ATP2B2: variants seen among roughly 807,000 people sequenced by gnomAD.
The protein encoded by ATP2B2 is ATPase plasma membrane Ca2+ transporting 2, also known as plasma membrane calcium-transporting ATPase 2.
ATP2B2 carries 15 observed loss-of-function variants against 120.0 expected under a neutral mutation model. The ratio of observed to expected loss-of-function variants is 0.12; its 90% CI spans 0.08 to 0.19. The LOEUF is 0.19. Ranked by LOEUF, ATP2B2 falls within the 10% of genes least tolerant of loss-of-function variation. ATP2B2 has a pLI of 1.00. For synonymous variants in ATP2B2, 694 were observed against 700.3 expected (o/e 0.99, Z 0.14); for missense variants, 1,045 against 1,719.8 (o/e 0.61, Z 6.94).
At position 10,689,833 on chromosome 3, in the gene ATP2B2, G is replaced by C. The variant is rs373227939; in HGVS notation, c.-460+18082C>G. Among the ~76,000 whole-genome samples the C allele has an allele frequency of 1.5e-4, 23 of 152,338 alleles. No homozygotes were observed. The East Asian group carries it at 1.5e-3, about 10-fold the overall frequency. ...CACTCTGACGTGCAATCCAAGCATT[G>C]CTGCGCACCCTCCACCCCGAGGTGG... On this transcript the variant is annotated intron_variant, in intron 1 of 21. Transcript: ENST00000646379.
At chr3:10,678,394 G>A (rs1220025029) in intron 1 of ATP2B2, among the ~76,000 whole-genome samples, 2 of 152,156 alleles carry the variant, frequency 1.3e-5, no homozygotes, top group Non-Finnish European at 2.9e-5. Flanking sequence ...TCCCAGGGGT[G>A]GCCAGCTCAG....
intron 3 of ATP2B2, among the ~76,000 whole-genome samples, chr3:10,533,223 A>T (rs2067246058): frequency 6.6e-6 from 1 of 152,202 alleles, no homozygotes; most frequent in African/African-American, 2.4e-5. Context: ...GAGCCACAGA[A>T]ATCTCACAGA....
intron 16 of ATP2B2, among the ~76,000 whole-genome samples, chr3:10,348,634 A>G (rs1257631244): frequency 6.6e-6 from 1 of 152,198 alleles, no homozygotes; most frequent in Non-Finnish European, 1.5e-5. Context: ...TGCCTCAAGC[A>G]CAGGCCCTAC....
chr3:10,452,834 T>A (rs533971185), intron 1 of ATP2B2, among the ~76,000 whole-genome samples: 9 of 152,314 alleles, frequency 5.9e-5, no homozygotes, highest in Admixed American at 2.0e-4. Flanking sequence ...GGGACTGACC[T>A]GGAGCCCCAG....
rs1340025520 is a variant in ATP2B2 at position 10,342,175 on chromosome 3, G to A, written c.2917+577C>T. On this transcript the variant is annotated intron_variant, in intron 19 of 22. Coordinates refer to ENST00000360273, the MANE Select transcript of ATP2B2 (RefSeq NM_001001331.4). The surrounding 1 kb of genome is among the most constrained non-coding windows in gnomAD (Gnocchi z 4.4). The stretch of plus-strand genomic sequence containing the variant: ...CTGTGCCCAGACTCTTCCTCAGACT[G>A]GCTGTGTGCCCTTGGGCAAGTCACC... Among the ~76,000 whole-genome samples, 1 of 152,244 alleles carries A rather than the reference G, an allele frequency of 6.6e-6. No individual in the cohort carries two copies. Among genetic ancestry groups the A allele is most frequent in the Non-Finnish European group, 1.5e-5 (1 of 68,038 alleles).
chr3:10,471,623 A>C (rs1312749321), intron 1 of ATP2B2, among the ~76,000 whole-genome samples: 3 of 151,936 alleles, frequency 2.0e-5, no homozygotes, highest in Non-Finnish European at 4.4e-5. Flanking sequence ...ACAGAGACTG[A>C]CTTCAAAAGA....
At chr3:10,358,015 C>G (rs1377381799) in intron 14 of ATP2B2, among the ~76,000 whole-genome samples, 1 of 152,226 alleles carries the variant, frequency 6.6e-6, no homozygotes, top group Non-Finnish European at 1.5e-5. Context: ...GAGCACCCCA[C>G]TAGGTGTACT....
chr3:10,350,543 C>T lies in ATP2B2; in HGVS notation c.2171G>A (p.Gly724Asp), dbSNP rs1188002884. The change falls in exon 15 of 23, where the codon GGC (glycine) becomes GAC (aspartate). Residue 724 changes from glycine (G) to aspartate (D), a missense_variant. By Grantham distance (94) the Gly-to-Asp change is moderately conservative. Coordinates refer to ENST00000360273, the MANE Select transcript of ATP2B2 (RefSeq NM_001001331.4). ...PEAIRKCQRA[G>D]ITVRMVTGDN... ...GCCAGTGACCATGCGGACCGTGATG[C>T]CTGCCCGCTGGCACTTGCGGATGGC... 1 of 1,613,754 alleles carries T rather than the reference C, an allele frequency of 6.2e-7. No individual in the cohort carries two copies. The highest frequency in any genetic ancestry group is 2.2e-5 in the East Asian group (1 of 44,892).
chr3:10,452,067 G>A (rs1360593608), intron 1 of ATP2B2, among the ~76,000 whole-genome samples: 2 of 152,252 alleles, frequency 1.3e-5, no homozygotes, highest in Non-Finnish European at 2.9e-5. Flanking sequence ...GTCTCATTCT[G>A]TGCAACACTG....
At chr3:10,604,878 A>G (rs1381217953) in intron 2 of ATP2B2, among the ~76,000 whole-genome samples, 2 of 152,136 alleles carry the variant, frequency 1.3e-5, no homozygotes, top group Non-Finnish European at 2.9e-5. Context: ...TGGATATTAA[A>G]ACCTGCTCCC....
At chr3:10,358,644 T>G in intron 14 of ATP2B2, 47 bp downstream of exon 14, 1 of 1,598,182 alleles carries the variant, frequency 6.3e-7, no homozygotes, top group East Asian at 2.2e-5. Context: ...GTGGCTGGCC[T>G]CCCAGCCTCA....
At chr3:10,655,535 G>A (rs913378457) in intron 1 of ATP2B2, among the ~76,000 whole-genome samples, 1 of 141,332 alleles carries the variant, frequency 7.1e-6, no homozygotes, top group Non-Finnish European at 1.5e-5. Flanking sequence ...CCCTGGAACA[G>A]CAGCATCATC....
Position 10,402,626 on chromosome 3 carries a change from T to G in ATP2B2, c.398-278A>C, listed in dbSNP as rs2124974319. ...AAGCAATGAAGGGCAAGTAGGAAGC[T>G]GGAATGTGAACCCAGGCAGTCTGGC... is the stretch of plus-strand genomic sequence containing the variant. On this transcript the variant is annotated intron_variant, in intron 3 of 22. Coordinates refer to ENST00000360273, the MANE Select transcript of ATP2B2 (RefSeq NM_001001331.4). The surrounding 1 kb of genome is among the most constrained non-coding windows in gnomAD (Gnocchi z 4.9). Among the ~76,000 whole-genome samples, 1 of 152,370 alleles carries G rather than the reference T, an allele frequency of 6.6e-6. No homozygotes were observed. Among genetic ancestry groups the G allele is most frequent in the Non-Finnish European group, 1.5e-5 (1 of 68,040 alleles).
At chr3:10,499,598 T>C (rs1052938311) in intron 1 of ATP2B2, among the ~76,000 whole-genome samples, 2 of 152,188 alleles carry the variant, frequency 1.3e-5, no homozygotes, top group Admixed American at 6.5e-5. Context: ...AAGAGCACAA[T>C]GACGTTCACA....
chr3:10,585,477 G>C (rs2068485701), intron 2 of ATP2B2, among the ~76,000 whole-genome samples: 3 of 114,418 alleles, frequency 2.6e-5, no homozygotes, highest in Admixed American at 2.2e-4. Flanking sequence ...CTGGGCGACA[G>C]AGCGAGACTC....
At chr3:10,492,791 C>G (rs4684697) in intron 1 of ATP2B2, among the ~76,000 whole-genome samples, 51,981 of 151,962 alleles carry the variant, frequency 0.34, 9,091 homozygotes, top group Non-Finnish European at 0.36. Context: ...CTTGCAGATA[C>G]CGGGTCAAGT....
rs191255757 is a variant in ATP2B2 at position 10,419,884 on chromosome 3, G to A, written c.200-9069C>T. 3.3e-5 allele frequency among the ~76,000 whole-genome samples: 5 copies of A among 152,294 alleles called. No homozygotes were observed. In the East Asian group the frequency reaches 5.8e-4, roughly 18 times the overall value. ...ATCTGGTGAAGCCAATGTGAATGCT[G>A]ATTCACTCCAGCTTGATCCCTGCGA... On this transcript the variant is annotated intron_variant, in intron 2 of 22. Coordinates refer to ENST00000360273, the MANE Select transcript of ATP2B2 (RefSeq NM_001001331.4).
At chr3:10,472,425 G>A (rs1240629068) in intron 1 of ATP2B2, among the ~76,000 whole-genome samples, 2 of 152,364 alleles carry the variant, frequency 1.3e-5, no homozygotes, top group Non-Finnish European at 2.9e-5. Context: ...GGGGGACGCT[G>A]CGGGGCAGGG....
rs144431675 is a variant in ATP2B2 at position 10,528,835 on chromosome 3, C to T, written c.-320+5204G>A. Reference sequence around the variant, plus strand: ...TTAAGCAGGTGCGTTGGCTCATGCCCGTGATCCCGGCTACTTGCTTGGTGC... The same window carrying T: ...TTAAGCAGGTGCGTTGGCTCATGCCTGTGATCCCGGCTACTTGCTTGGTGC... On this transcript the variant is annotated intron_variant, in intron 3 of 21. Transcript: ENST00000646379. Among the ~76,000 whole-genome samples the T allele has an allele frequency of 3.7e-4, 57 of 152,330 alleles. 1 individual carries two copies. In the East Asian group the frequency reaches 7.1e-3, roughly 19 times the overall value.
Sources: gnomAD v4.1 joint callset for allele counts (sites outside exome capture counted in the v4.1 genomes callset) on GRCh38, gnomAD v4.1.1 for gene constraint, Gnocchi (gnomAD v3.1) non-coding constraint, MANE v1.5 for transcripts, NCBI Gene and HGNC (gene_info 2026-07-23, HGNC 2026-07-21) for gene names.